Variants in SIN3A observed in about 807,000 individuals in gnomAD.
The protein encoded by SIN3A is paired amphipathic helix protein Sin3a.
A neutral mutation model predicts 146.1 loss-of-function variants in SIN3A; 14 were observed. The observed-to-expected ratio is 0.10, with a 90% confidence interval of 0.06 to 0.15. The LOEUF is 0.15. Ranked by LOEUF, SIN3A falls within the 10% of genes least tolerant of loss-of-function variation. SIN3A has a pLI of 1.00. For missense variants in SIN3A, 1,028 were observed against 1,576.0 expected (o/e 0.65, Z 5.89); for synonymous variants, 572 against 572.0 (o/e 1.00, Z 0.00).
rs775998627 is a variant in SIN3A, at chr15:75,380,657, G to T, written c.3355C>A (p.Leu1119Ile). Residue 1119 changes from leucine to isoleucine, a missense_variant, in exon 19 of 21, where the codon CTA (leucine) becomes ATA (isoleucine). Coordinates refer to ENST00000394947, the MANE Select transcript of SIN3A (RefSeq NM_001145358.2). ...DTTSPELREH[L>I]AQKPVFLPRN... ...GGGAGAAATACTGGTTTCTGTGCTA[G>T]ATGTTCACGAAGCTCAGGCGAGGTA... 6.2e-7 allele frequency: 1 copy of T among 1,613,962 alleles called. No homozygotes were observed. The highest frequency in any genetic ancestry group is 8.5e-7 in the Non-Finnish European group (1 of 1,179,856).
intron 1 of SIN3A, among the ~76,000 whole-genome samples, chr15:75,436,668 T>C (rs1216312404): frequency 6.6e-6 from 1 of 152,098 alleles, no homozygotes; most frequent in Non-Finnish European, 1.5e-5. Context: ...GGGTGTTCAT[T>C]ATATTTACTA....
intron 3 of SIN3A, chr15:75,422,415 A>C (rs2073854812): frequency 3.3e-6 from 2 of 607,868 alleles, no homozygotes; most frequent in Non-Finnish European, 5.9e-6. Flanking sequence ...ATAACATTTG[A>C]CCGACATGCA....
rs200660438 is a variant in SIN3A at position 75,380,597 on chromosome 15, T to C, written c.3383+32A>G. ...CTCCATTCCTCAATCATGCACAGTATGGACTGCTGACAGATGACATGGCTC... is the reference window on the plus strand; with the variant it reads ...CTCCATTCCTCAATCATGCACAGTACGGACTGCTGACAGATGACATGGCTC... On this transcript the variant is annotated intron_variant, in intron 19 of 20. Coordinates refer to ENST00000394947, the MANE Select transcript of SIN3A (RefSeq NM_001145358.2). 31 of 1,471,900 alleles carry C rather than the reference T, an allele frequency of 2.1e-5. No individual in the cohort carries two copies. In the Admixed American group the frequency reaches 5.2e-4, roughly 25 times the overall value. The allele number at this position is 1,471,900 out of a possible 1,614,324, so 91.2% of individuals were successfully genotyped here. A position where few individuals can be genotyped will look rare whatever the true frequency, so the allele number is the denominator to read the frequency against.
Position 75,371,152 on chromosome 15 carries a change from ATT to A in SIN3A, c.*825_*826del, listed in dbSNP as rs1046875599. On this transcript the variant is annotated 3_prime_UTR_variant, in exon 21 of 21. Transcript: ENST00000394947. ...CAGTTATGCTAGCACATCAAAGCAT[ATT>A]TCTTTTAATAAAAAATTGACAGTAT... 8.5e-5 allele frequency: 13 copies of A among 152,622 alleles called. No individual in the cohort carries two copies. Among genetic ancestry groups the A allele is most frequent in the Admixed American group, 8.5e-4 (13 of 15,282 alleles). The allele number at this position is 152,622 out of a possible 1,614,324, so 9.5% of individuals were successfully genotyped here.
intron 17 of SIN3A, among the ~76,000 whole-genome samples, chr15:75,382,675 A>T (rs1353039053): frequency 6.6e-6 from 1 of 152,224 alleles, no homozygotes; most frequent in African/African-American, 2.4e-5. Flanking sequence ...GGTCAGATGC[A>T]GTGGCTCACA....
intron 1 of SIN3A, among the ~76,000 whole-genome samples, chr15:75,435,051 T>C (rs1595923564): frequency 6.6e-6 from 1 of 152,054 alleles, no homozygotes; most frequent in East Asian, 1.9e-4. Context: ...CTTTAATTGG[T>C]ACAGCCTATT....
intron 12 of SIN3A, among the ~76,000 whole-genome samples, chr15:75,397,383 C>A (rs1362262921): frequency 6.6e-6 from 1 of 152,062 alleles, no homozygotes; most frequent in African/African-American, 2.4e-5. Flanking sequence ...CTAGTTTTGA[C>A]CAATGAGTTG....
In SIN3A at chr15:75,414,281, C is replaced by T; in HGVS notation, c.397G>A (p.Val133Met). ...VEDALSYLDQ[V>M]KLQFGSQPQV... ...GGCTGACTACCAAACTGCAGCTTCACCTGGTCAAGATAAGATAGCGCATCC... is the reference window on the plus strand; with the variant it reads ...GGCTGACTACCAAACTGCAGCTTCATCTGGTCAAGATAAGATAGCGCATCC... The change falls in exon 4 of 21, where the codon GTG becomes ATG. Residue 133 changes from valine (V) to methionine (M), a missense_variant. Val to Met is a conservative substitution (Grantham distance 21). Around this residue, in one of 9 missense-constraint regions of SIN3A, gnomAD observed 152 missense variants for 231.5 expected, o/e 0.66. Coordinates refer to ENST00000394947, the MANE Select transcript of SIN3A (RefSeq NM_001145358.2). 6.4e-7 allele frequency: 1 copy of T among 1,556,064 alleles called. No homozygotes were observed. The highest frequency in any genetic ancestry group is 8.8e-7 in the Non-Finnish European group (1 of 1,142,782).
Position 75,409,818 on chromosome 15 carries a change from G to A in SIN3A, c.1317+18C>T. ...ATACTTGTGAGTGTCAAAATGAGCA[G>A]CTGCTGCCCATTCTCACCTTAACTG... On this transcript the variant is annotated intron_variant, in intron 8 of 20. Coordinates refer to ENST00000394947, the MANE Select transcript of SIN3A (RefSeq NM_001145358.2). 6.2e-7 allele frequency: 1 copy of A among 1,609,978 alleles called. No individual in the cohort carries two copies. The highest frequency in any genetic ancestry group is 8.5e-7 in the Non-Finnish European group (1 of 1,178,402).
chr15:75,446,356 T>C (rs1266464610), intron 1 of SIN3A: 2 of 148,244 alleles, frequency 1.3e-5, no homozygotes, highest in African/African-American at 5.0e-5. Flanking sequence ...AGGGCTCACA[T>C]GTGCTTGACA....
At chr15:75,455,401 T>TA (rs975253456), upstream of SIN3A, among the ~76,000 whole-genome samples, 46 of 152,008 alleles carry the variant, frequency 3.0e-4, no homozygotes, top group African/African-American at 1.1e-3. Context: ...TTTTTCTTTT[T>TA]AAAAAAACGG....
At chr15:75,400,355 T>C (rs1007241762) in intron 11 of SIN3A, among the ~76,000 whole-genome samples, 199 bp from the exon 12 acceptor site, 15 of 152,220 alleles carry the variant, frequency 9.9e-5, no homozygotes, top group African/African-American at 3.6e-4. Flanking sequence ...ATTCCAGTGC[T>C]TTGGGAGGAC....
intron 1 of SIN3A, among the ~76,000 whole-genome samples, chr15:75,435,617 G>A (rs1206942852): frequency 1.3e-5 from 2 of 150,122 alleles, no homozygotes; most frequent in African/African-American, 2.5e-5. Context: ...AGAATCACTC[G>A]AACCCAGGAG....
Position 75,396,199 on chromosome 15 carries a change from G to A in SIN3A, c.2093+59C>T. On this transcript the variant is annotated intron_variant, in intron 13 of 20. Coordinates refer to ENST00000394947, the MANE Select transcript of SIN3A (RefSeq NM_001145358.2). ...GTTGAAAATGAGAGCCTTATTTAAT[G>A]AGACACTGAACCGGTAGTGAAGTAC... The A allele has an allele frequency of 6.8e-6, 8 of 1,181,738 alleles. No homozygotes were observed. In the South Asian group the frequency reaches 1.1e-4, roughly 16 times the overall value. 73.2% of individuals were successfully genotyped at this position (1,181,738 alleles called of 1,614,324 possible).
At chr15:75,427,360 G>T (rs949964962) in intron 2 of SIN3A, among the ~76,000 whole-genome samples, 1 of 150,480 alleles carries the variant, frequency 6.6e-6, no homozygotes, top group Non-Finnish European at 1.5e-5. Flanking sequence ...GCGACAGAGC[G>T]AGACACCATC....
intron 3 of SIN3A, 162 bp downstream of exon 3, chr15:75,422,485 A>G (rs771729528): frequency 1.4e-5 from 11 of 775,662 alleles, no homozygotes; most frequent in Non-Finnish European, 2.0e-5. Flanking sequence ...TGATGCCAAG[A>G]TAGGAAACAT....
chr15:75,412,425 A>T (rs555454283), intron 5 of SIN3A, among the ~76,000 whole-genome samples: 8 of 152,356 alleles, frequency 5.3e-5, no homozygotes, highest in Non-Finnish European at 1.0e-4. Flanking sequence ...TGTGGGCAGC[A>T]GCACAATTTG....
At chr15:75,409,562 T>TA (rs76626567) in intron 8 of SIN3A, among the ~76,000 whole-genome samples, 197 of 131,948 alleles carry the variant, frequency 1.5e-3, no homozygotes, top group East Asian at 1.8e-3. Context: ...CCGTCTCCAC[T>TA]AAAAAAAAAA....
At chr15:75,433,811 AAAC>A (rs889793106) in intron 1 of SIN3A, among the ~76,000 whole-genome samples, 12 of 152,110 alleles carry the variant, frequency 7.9e-5, no homozygotes, top group Non-Finnish European at 1.3e-4. Flanking sequence ...TCCATCTCAA[AAAC>A]AACAACAACA....
Sources: allele counts gnomAD v4.1 joint callset (sites outside exome capture counted in the v4.1 genomes callset), GRCh38; gene constraint gnomAD v4.1.1; regional missense constraint gnomAD v4.1.1; transcripts MANE v1.5; gene names NCBI Gene and HGNC (gene_info 2026-07-23, HGNC 2026-07-21).